DHX16: variants seen among roughly 807,000 people sequenced by gnomAD.
DHX16 encodes DEAH-box helicase 16.
A neutral mutation model predicts 131.2 loss-of-function variants in DHX16; 81 were observed. The observed-to-expected ratio is 0.62, with a 90% confidence interval of 0.52 to 0.74. The LOEUF is 0.74. Ranked by LOEUF, DHX16 falls within the 30% of genes least tolerant of loss-of-function variation. The pLI, the probability that DHX16 is intolerant of heterozygous loss-of-function variation, is 0.00. For synonymous variants in DHX16, 440 were observed against 520.2 expected (o/e 0.85, Z 2.10); for missense variants, 980 against 1,363.1 (o/e 0.72, Z 4.43).
rs1281933862 is a variant in DHX16 at position 30,656,787 on chromosome 6, G to T, written c.2149-28C>A. ...GGAAAGAAAGGGGAACAGGCTGGCTGACAATTTGGTCAGGGAAAAGAAAAA... is the reference window on the plus strand; with the variant it reads ...GGAAAGAAAGGGGAACAGGCTGGCTTACAATTTGGTCAGGGAAAAGAAAAA... On this transcript the variant is annotated intron_variant, in intron 13 of 19. Coordinates refer to ENST00000376442, the MANE Select transcript of DHX16 (RefSeq NM_003587.5). The surrounding 1 kb of genome is among the most constrained non-coding windows in gnomAD (Gnocchi z 5.1). 1 of 1,610,266 alleles carries T rather than the reference G, an allele frequency of 6.2e-7. No homozygotes were observed. Among genetic ancestry groups the T allele is most frequent in the Non-Finnish European group, 8.5e-7 (1 of 1,179,644 alleles).
chr6:30,656,472 A>G lies in DHX16; in HGVS notation c.2349T>C (p.Pro783=), dbSNP rs771544054. The change falls in exon 15 of 20, where the codon CCT becomes CCC. Residue 783 remains proline, a synonymous_variant. Coordinates refer to ENST00000376442, the MANE Select transcript of DHX16 (RefSeq NM_003587.5). The surrounding 1 kb of genome is among the most constrained non-coding windows in gnomAD (Gnocchi z 5.1). ...CCAGCAGCAGTGTCTCATATGGTGG[A>G]GGGTCCAGGAAATCAAAGTGCATTA... ...HDLMHFDFLD[P]PPYETLLLAL... 2 of 1,614,160 alleles carry G rather than the reference A, an allele frequency of 1.2e-6. No individual in the cohort carries two copies. Among genetic ancestry groups the G allele is most frequent in the East Asian group, 4.5e-5 (2 of 44,882 alleles).
chr6:30,662,648 T>C lies in DHX16; in HGVS notation c.1523A>G (p.Glu508Gly). 6.2e-7 allele frequency: 1 copy of C among 1,613,066 alleles called. No individual in the cohort carries two copies. Among genetic ancestry groups the C allele is most frequent in the Non-Finnish European group, 8.5e-7 (1 of 1,180,006 alleles). ...ATACCTGTAACTCGCCAGGTCAGGCTCAGAGAGGAACTCCCGGAGAAGCAT... is the reference window on the plus strand; with the variant it reads ...ATACCTGTAACTCGCCAGGTCAGGCCCAGAGAGGAACTCCCGGAGAAGCAT... Reference protein sequence around the residue: ...DGMLLREFLSEPDLASYSVVM... With the variant: ...DGMLLREFLSGPDLASYSVVM... The change falls in exon 9 of 20, where the codon GAG becomes GGG. Residue 508 changes from glutamate to glycine, a missense_variant. By Grantham distance (98) the Glu-to-Gly change is moderately conservative. Transcript: ENST00000376442. This position sits in a 1 kb window ranked among gnomAD's most constrained non-coding sequence, Gnocchi z 4.7.
chr6:30,663,405 A>T (rs1768703343), intron 7 of DHX16, among the ~76,000 whole-genome samples: 1 of 152,076 alleles, frequency 6.6e-6, no homozygotes, highest in African/African-American at 2.4e-5. Context: ...CCTGGGCAAC[A>T]TAGTGTGACA....
intron 12 of DHX16, among the ~76,000 whole-genome samples, chr6:30,657,341 T>C (rs1768082912): frequency 6.6e-6 from 1 of 150,802 alleles, no homozygotes; most frequent in African/African-American, 2.4e-5. Context: ...TTTTTTTTTT[T>C]CAGAGATGGG....
chr6:30,672,460 T>C (rs1769655557), intron 1 of DHX16, among the ~76,000 whole-genome samples, 175 bp downstream of exon 1: 1 of 152,114 alleles, frequency 6.6e-6, no homozygotes, highest in African/African-American at 2.4e-5. Context: ...CCGACACACC[T>C]AAGCCCTCCT....
At chr6:30,654,627 G>C in intron 19 of DHX16, 79 bp downstream of exon 19, 1 of 1,397,892 alleles carries the variant, frequency 7.2e-7, no homozygotes, top group Non-Finnish European at 9.7e-7. Flanking sequence ...CCAGCAACTT[G>C]AACCTGGGTT....
intron 4 of DHX16, among the ~76,000 whole-genome samples, chr6:30,666,581 G>A (rs1375641120): frequency 1.3e-5 from 2 of 152,164 alleles, no homozygotes; most frequent in Non-Finnish European, 1.5e-5. Flanking sequence ...GCTGAGGTGG[G>A]TGGATCACCT....
In DHX16 at chr6:30,662,555, G is replaced by A; in HGVS notation, c.1544+72C>T. ...AACCACAAAGATTCAAGAACGGGTG[G>A]ATTAATCAGAAGACAATGGCTGAAT... On this transcript the variant is annotated intron_variant, in intron 9 of 19. Coordinates refer to ENST00000376442, the MANE Select transcript of DHX16 (RefSeq NM_003587.5). This position sits in a 1 kb window ranked among gnomAD's most constrained non-coding sequence, Gnocchi z 4.7. The A allele has an allele frequency of 7.7e-7, 1 of 1,300,760 alleles. No individual in the cohort carries two copies. Among genetic ancestry groups the A allele is most frequent in the Non-Finnish European group, 1.1e-6 (1 of 903,984 alleles). 80.6% of individuals were successfully genotyped at this position (1,300,760 alleles called of 1,614,324 possible). A position where few individuals can be genotyped will look rare whatever the true frequency, so the allele number is the denominator to read the frequency against.
rs758799345 is a variant in DHX16, at chr6:30,670,952, C to G, written c.447G>C (p.Gly149=). 3 of 1,613,098 alleles carry G rather than the reference C, an allele frequency of 1.9e-6. No homozygotes were observed. Among genetic ancestry groups the G allele is most frequent in the South Asian group, 1.1e-5 (1 of 91,086 alleles). ...GCTTCTCTGTCTGCTGTTTACTCCC[C>G]CTGCAGCCCATCCAGGGGATTAAAT... ...EASEKGKKKT[G]GSKQQTEKPE... The change falls in exon 3 of 20, where the codon GGG becomes GGC. Residue 149 remains glycine, a splice_region_variant and synonymous_variant. Coordinates refer to ENST00000376442, the MANE Select transcript of DHX16 (RefSeq NM_003587.5). The surrounding 1 kb of genome is among the most constrained non-coding windows in gnomAD (Gnocchi z 4.4).
Position 30,662,870 on chromosome 6 carries a change from C to T in DHX16, c.1428+41G>A. ...CCTGAGGGAACTGTAGACTGAGTCA[C>T]AGACCCCAGACTCTACCCCCCGGTT... On this transcript the variant is annotated intron_variant, in intron 8 of 19. Transcript: ENST00000376442. This position sits in a 1 kb window ranked among gnomAD's most constrained non-coding sequence, Gnocchi z 4.7. 5 of 1,590,522 alleles carry T rather than the reference C, an allele frequency of 3.1e-6. No individual in the cohort carries two copies. Among genetic ancestry groups the T allele is most frequent in the Non-Finnish European group, 4.3e-6 (5 of 1,160,748 alleles).
rs775475504 is a variant in DHX16 at position 30,662,551 on chromosome 6, G to C, written c.1544+76C>G. The C allele has an allele frequency of 3.2e-6, 4 of 1,254,452 alleles. No homozygotes were observed. Among genetic ancestry groups the C allele is most frequent in the Non-Finnish European group, 4.6e-6 (4 of 863,480 alleles). The allele number at this position is 1,254,452 out of a possible 1,614,324, so 77.7% of individuals were successfully genotyped here. A position where few individuals can be genotyped will look rare whatever the true frequency, so the allele number is the denominator to read the frequency against. Reference sequence around the variant, plus strand: ...TTTGAACCACAAAGATTCAAGAACGGGTGGATTAATCAGAAGACAATGGCT... The same window carrying C: ...TTTGAACCACAAAGATTCAAGAACGCGTGGATTAATCAGAAGACAATGGCT... On this transcript the variant is annotated intron_variant, in intron 9 of 19. Transcript: ENST00000376442. The surrounding 1 kb of genome is among the most constrained non-coding windows in gnomAD (Gnocchi z 4.7).
chr6:30,671,000 C>A lies in DHX16; in HGVS notation c.446+36G>T. 6.2e-7 allele frequency: 1 copy of A among 1,612,956 alleles called. No individual in the cohort carries two copies. Among genetic ancestry groups the A allele is most frequent in the Non-Finnish European group, 8.5e-7 (1 of 1,179,924 alleles). ...AATAAGGGCATAGAGAACACTTCAG[C>A]CTGCCCCATCCTCTCTCACCCTGCT... On this transcript the variant is annotated intron_variant, in intron 2 of 19. Transcript: ENST00000376442. This position sits in a 1 kb window ranked among gnomAD's most constrained non-coding sequence, Gnocchi z 4.4.
At chr6:30,658,276 C>T (rs1298074628) in intron 12 of DHX16, among the ~76,000 whole-genome samples, 2 of 152,040 alleles carry the variant, frequency 1.3e-5, no homozygotes, top group Non-Finnish European at 2.9e-5. Context: ...GGCATGGTGG[C>T]TCACGCCTAT....
chr6:30,661,729 C>T, intron 9 of DHX16: 1 of 717,236 alleles, frequency 1.4e-6, no homozygotes, highest in Middle Eastern at 2.3e-4. Flanking sequence ...CTACCCACCT[C>T]CCTGACCTCA....
chr6:30,655,368 A>C, intron 17 of DHX16, 32 bp from the exon 18 acceptor site: 1 of 1,613,760 alleles, frequency 6.2e-7, no homozygotes, highest in Non-Finnish European at 8.5e-7. Context: ...AAGGAGAGAT[A>C]ATTAAGTATA....
chr6:30,669,018 T>C (rs1427516202), intron 4 of DHX16, among the ~76,000 whole-genome samples: 1 of 151,870 alleles, frequency 6.6e-6, no homozygotes, highest in Non-Finnish European at 1.5e-5. Flanking sequence ...GGCAGGAGAA[T>C]CGCTTGAACT....
Position 30,670,727 on chromosome 6 carries a change from C to T in DHX16, c.609+63G>A. On this transcript the variant is annotated intron_variant, in intron 3 of 19. Transcript: ENST00000376442. The surrounding 1 kb of genome is among the most constrained non-coding windows in gnomAD (Gnocchi z 4.4). ...CCAGAGATCACTATCTCTGCACTCACAGCCAACCTCAGATTTCACCCTGGG... is the reference window on the plus strand; with the variant it reads ...CCAGAGATCACTATCTCTGCACTCATAGCCAACCTCAGATTTCACCCTGGG... 1 of 1,601,670 alleles carries T rather than the reference C, an allele frequency of 6.2e-7. No individual in the cohort carries two copies. The highest frequency in any genetic ancestry group is 8.5e-7 in the Non-Finnish European group (1 of 1,174,300).
At position 30,659,633 on chromosome 6, in the gene DHX16, A is replaced by C. The variant is rs1382841955; in HGVS notation, c.1855-9T>G. On this transcript the variant is annotated splice_polypyrimidine_tract_variant and intron_variant, in intron 11 of 19. Transcript: ENST00000376442. ...GCAGCCTCAATCTCCTCCTGGATAG[A>C]GGGTAGGGAGAGCAGCAGGGGTCCC... The C allele has an allele frequency of 6.2e-7, 1 of 1,613,868 alleles. No individual in the cohort carries two copies. Among genetic ancestry groups the C allele is most frequent in the Non-Finnish European group, 8.5e-7 (1 of 1,179,862 alleles).
In DHX16 at chr6:30,664,693, A is replaced by G. The variant is rs577982849; in HGVS notation, c.1317+108T>C. 144 of 1,004,402 alleles carry G rather than the reference A, an allele frequency of 1.4e-4. 1 individual carries two copies. In the East Asian group the frequency reaches 3.2e-3, roughly 23 times the overall value. The allele number at this position is 1,004,402 out of a possible 1,614,324, so 62.2% of individuals were successfully genotyped here. On this transcript the variant is annotated intron_variant, in intron 7 of 19. Coordinates refer to ENST00000376442, the MANE Select transcript of DHX16 (RefSeq NM_003587.5). ...TCTCAAGAATTTCACAATTTAGTGG[A>G]AAAGATAGGTAAGTGACTACTAAAA...
Sources: gnomAD v4.1 joint callset for allele counts (sites outside exome capture counted in the v4.1 genomes callset) on GRCh38, gnomAD v4.1.1 for gene constraint, Gnocchi (gnomAD v3.1) non-coding constraint, MANE v1.5 for transcripts, NCBI Gene and HGNC (gene_info 2026-07-23, HGNC 2026-07-21) for gene names.